Variants in NRG1 observed in about 807,000 individuals in gnomAD.
The protein encoded by NRG1 is neuregulin 1.
NRG1 carries 18 observed loss-of-function variants against 63.8 expected under a neutral mutation model. That is an observed-to-expected ratio of 0.28 (90% CI 0.19 to 0.42). The LOEUF is 0.42. NRG1 is among the 10% of genes least tolerant of loss of function. NRG1 has a pLI of 1.00. For synonymous variants in NRG1, 302 were observed against 301.3 expected (o/e 1.00, Z -0.02); for missense variants, 762 against 814.7 (o/e 0.94, Z 0.79).
intron 1 of NRG1, among the ~76,000 whole-genome samples, chr8:32,166,530 A>G (rs1486056957): frequency 6.6e-6 from 1 of 152,190 alleles, no homozygotes; most frequent in Non-Finnish European, 1.5e-5. Context: ...GCAAAGCTAC[A>G]TGTGTCAGCT....
intron 1 of NRG1, among the ~76,000 whole-genome samples, chr8:31,985,467 G>A (rs544673075): frequency 2.0e-5 from 3 of 152,136 alleles, no homozygotes; most frequent in East Asian, 1.9e-4. Context: ...ACTAAAAGAA[G>A]GGTGCAATTT....
At chr8:32,028,013 G>A (rs1346479168) in intron 1 of NRG1, among the ~76,000 whole-genome samples, 2 of 152,116 alleles carry the variant, frequency 1.3e-5, no homozygotes, top group African/African-American at 2.4e-5. Flanking sequence ...CTATTTCATT[G>A]CCATGACTTT....
chr8:31,942,801 C>T (rs966514438), intron 1 of NRG1, among the ~76,000 whole-genome samples: 11 of 151,776 alleles, frequency 7.2e-5, no homozygotes, highest in African/African-American at 2.4e-4. Flanking sequence ...CTCAACATCA[C>T]TAATTATCAG....
At chr8:31,920,759 T>C (rs1358126587) in intron 1 of NRG1, among the ~76,000 whole-genome samples, 2 of 152,110 alleles carry the variant, frequency 1.3e-5, no homozygotes, top group African/African-American at 2.4e-5. Flanking sequence ...GTGAGGATAC[T>C]CTAAGATAAT....
At chr8:31,690,244 T>TC in intron 1 of NRG1, among the ~76,000 whole-genome samples, 1 of 151,688 alleles carries the variant, frequency 6.6e-6, no homozygotes, top group Non-Finnish European at 1.5e-5. Flanking sequence ...CATTTATAAA[T>TC]TTCCTCTATA....
intron 1 of NRG1, among the ~76,000 whole-genome samples, chr8:32,272,194 C>G (rs1257508356): frequency 5.9e-5 from 9 of 152,196 alleles, no homozygotes; most frequent in Non-Finnish European, 1.3e-4. Context: ...GGTCAGGGTG[C>G]CAGCCTGCAT....
chr8:31,729,955 C>A (rs990604713), intron 1 of NRG1, among the ~76,000 whole-genome samples: 9 of 152,070 alleles, frequency 5.9e-5, no homozygotes, highest in Admixed American at 2.0e-4. Context: ...AGAAAAATTT[C>A]CCCTTTGTCC....
chr8:31,699,816 C>A (rs182081674), intron 1 of NRG1, among the ~76,000 whole-genome samples: 1 of 152,222 alleles, frequency 6.6e-6, no homozygotes, highest in East Asian at 1.9e-4. Flanking sequence ...CTGGGACTGA[C>A]AACCTAGGTT....
chr8:32,283,467 G>C (rs1853129116), intron 1 of NRG1, among the ~76,000 whole-genome samples: 1 of 152,078 alleles, frequency 6.6e-6, no homozygotes, highest in Admixed American at 6.6e-5. Flanking sequence ...TTGTTTAAAG[G>C]GGAACACGGG....
intron 1 of NRG1, among the ~76,000 whole-genome samples, chr8:32,444,041 CCTTT>C (rs1234295410): frequency 4.4e-5 from 6 of 135,340 alleles, no homozygotes; most frequent in Admixed American, 2.2e-4. Flanking sequence ...TTCCTTCCTT[CCTTT>C]CTTTTTCTTT....
chr8:31,648,327 T>C (rs1481671673), intron 1 of NRG1, among the ~76,000 whole-genome samples: 1 of 151,618 alleles, frequency 6.6e-6, no homozygotes, highest in East Asian at 1.9e-4. Context: ...AGAGACGGGG[T>C]TTCACCGTGT....
chr8:31,835,876 C>T (rs1825648364), intron 1 of NRG1, among the ~76,000 whole-genome samples: 2 of 152,292 alleles, frequency 1.3e-5, no homozygotes, highest in African/African-American at 2.4e-5. Context: ...AATGTCTGTA[C>T]TGTTCACTAA....
intron 1 of NRG1, among the ~76,000 whole-genome samples, chr8:32,513,906 G>T (rs1455112417): frequency 6.6e-6 from 1 of 152,142 alleles, no homozygotes; most frequent in African/African-American, 2.4e-5. Context: ...CATCTAAATG[G>T]GAAAGGGGAG....
chr8:32,058,429 A>G (rs1351219917), intron 1 of NRG1, among the ~76,000 whole-genome samples: 1 of 152,088 alleles, frequency 6.6e-6, no homozygotes, highest in Non-Finnish European at 1.5e-5. Flanking sequence ...ACACACAAAT[A>G]CATATTTACT....
intron 1 of NRG1, among the ~76,000 whole-genome samples, chr8:31,677,469 T>TA (rs1807835016): frequency 1.3e-5 from 2 of 152,156 alleles, no homozygotes; most frequent in African/African-American, 4.8e-5. Flanking sequence ...TTTTTCTAAC[T>TA]TAATTGTCAG....
intron 1 of NRG1, among the ~76,000 whole-genome samples, chr8:31,873,947 C>A (rs948044467): frequency 6.6e-6 from 1 of 152,000 alleles, no homozygotes; most frequent in African/African-American, 2.4e-5. Context: ...TTTACTTTTT[C>A]ATTTTGCTTG....
intron 1 of NRG1, among the ~76,000 whole-genome samples, chr8:32,323,207 C>A (rs889259745): frequency 3.3e-5 from 5 of 152,162 alleles, no homozygotes; most frequent in African/African-American, 7.2e-5. Context: ...CTACTCCACA[C>A]CTCCCCTCAC....
chr8:31,856,887 C>G (rs1350926527), intron 1 of NRG1, among the ~76,000 whole-genome samples: 1 of 152,222 alleles, frequency 6.6e-6, no homozygotes, highest in Non-Finnish European at 1.5e-5. Context: ...AGGTGTCAGT[C>G]TGCCCCTGCT....
chr8:32,569,023 G>A (rs1181093433), intron 1 of NRG1, among the ~76,000 whole-genome samples: 1 of 151,612 alleles, frequency 6.6e-6, no homozygotes, highest in Non-Finnish European at 1.5e-5. Context: ...TTGAAAGGCC[G>A]AAATCAGCCA....
Sources: allele counts gnomAD v4.1 joint callset (sites outside exome capture counted in the v4.1 genomes callset), GRCh38; gene constraint gnomAD v4.1.1; transcripts MANE v1.5; gene names NCBI Gene and HGNC (gene_info 2026-07-23, HGNC 2026-07-21).